CLASP1: variants seen among roughly 807,000 people sequenced by gnomAD.
CLASP1 encodes cytoplasmic linker associated protein 1.
A neutral mutation model predicts 192.3 loss-of-function variants in CLASP1; 38 were observed. The ratio of observed to expected loss-of-function variants is 0.20; its 90% CI spans 0.15 to 0.26. The LOEUF (loss-of-function observed/expected upper bound fraction) is 0.26, where lower values mean the gene tolerates loss of function less well. CLASP1 is among the 10% of genes least tolerant of loss of function. The pLI, the probability that CLASP1 is intolerant of heterozygous loss-of-function variation, is 1.00. For synonymous variants in CLASP1, 691 were observed against 712.8 expected (o/e 0.97, Z 0.49); for missense variants, 1,433 against 1,932.5 (o/e 0.74, Z 4.85).
chr2:121,639,862 TCA>T (rs2071687262), intron 1 of CLASP1, among the ~76,000 whole-genome samples: 1 of 75,464 alleles, frequency 1.3e-5, no homozygotes, highest in African/African-American at 5.9e-5. Context: ...AAACTCCATC[TCA>T]AAAAAAAAAA....
Position 121,381,267 on chromosome 2 carries a change from C to A in CLASP1, c.3491+941G>T, listed in dbSNP as rs183507504. On this transcript the variant is annotated intron_variant, in intron 33 of 39. Transcript: ENST00000263710. ...ACAAAAGTCAGAATGCAAATCTGCA[C>A]AAAAGCTATCTATGAAGTATTTCAA... Among the ~76,000 whole-genome samples, 625 of 151,922 alleles carry A rather than the reference C, an allele frequency of 4.1e-3. 1 individual carries two copies. Among genetic ancestry groups the A allele is most frequent in the Middle Eastern group, 6.8e-3 (2 of 292 alleles).
chr2:121,511,381 G>C (rs2094130881), intron 7 of CLASP1, among the ~76,000 whole-genome samples: 1 of 152,082 alleles, frequency 6.6e-6, no homozygotes, highest in African/African-American at 2.4e-5. Context: ...CTGAGGTCGG[G>C]GGTTCGAGAT....
chr2:121,558,516 C>T (rs2058780941), intron 2 of CLASP1, among the ~76,000 whole-genome samples: 1 of 152,132 alleles, frequency 6.6e-6, no homozygotes, highest in Non-Finnish European at 1.5e-5. Flanking sequence ...TGGGTTATCA[C>T]GGGAGTGGAA....
At chr2:121,544,760 CA>C (rs1263784484) in intron 2 of CLASP1, among the ~76,000 whole-genome samples, 3 of 151,634 alleles carry the variant, frequency 2.0e-5, no homozygotes, top group South Asian at 2.1e-4. Context: ...GAAAATAAAC[CA>C]AAAAAGTGAA....
At chr2:121,537,720 T>C (rs1414217569) in intron 2 of CLASP1, among the ~76,000 whole-genome samples, 2 of 152,236 alleles carry the variant, frequency 1.3e-5, no homozygotes, top group Non-Finnish European at 2.9e-5. Flanking sequence ...CTAAAAGAAC[T>C]TTTCAATACT....
In CLASP1 at chr2:121,445,542, C is replaced by G. The variant is rs547389923; in HGVS notation, c.1912+1795G>C. The G allele has an allele frequency of 9.9e-6, 11 of 1,113,772 alleles. No individual in the cohort carries two copies. In the African/African-American group the frequency reaches 1.3e-4, roughly 13 times the overall value. The allele number at this position is 1,113,772 out of a possible 1,614,324, so 69.0% of individuals were successfully genotyped here. On this transcript the variant is annotated intron_variant, in intron 19 of 39. Transcript: ENST00000263710. Reference sequence around the variant, plus strand: ...CATCAGCTTTAATGCTACACTTTTGCAAAGATGTCATGTGTCAACCTAGGT... The same window carrying G: ...CATCAGCTTTAATGCTACACTTTTGGAAAGATGTCATGTGTCAACCTAGGT...
chr2:121,471,723 T>C (rs534351060), intron 8 of CLASP1, among the ~76,000 whole-genome samples: 1 of 152,302 alleles, frequency 6.6e-6, no homozygotes, highest in East Asian at 1.9e-4. Flanking sequence ...CTTATGCAGA[T>C]TAGCTCCTTT....
chr2:121,388,460 A>C (rs2073742639), intron 30 of CLASP1, among the ~76,000 whole-genome samples: 1 of 152,178 alleles, frequency 6.6e-6, no homozygotes, highest in Admixed American at 6.5e-5. Flanking sequence ...CAGATTTCGA[A>C]GGAGTCTACG....
At chr2:121,407,171 G>A (rs146174211) in intron 25 of CLASP1, among the ~76,000 whole-genome samples, 84 of 151,198 alleles carry the variant, frequency 5.6e-4, no homozygotes, top group African/African-American at 1.9e-3. Context: ...AGCCAAGATC[G>A]TGCCACTGCA....
At position 121,471,576 on chromosome 2, in the gene CLASP1, T is replaced by C. The variant is rs565512954; in HGVS notation, c.713-1616A>G. Among the ~76,000 whole-genome samples, 6 of 152,102 alleles carry C rather than the reference T, an allele frequency of 3.9e-5. No individual in the cohort carries two copies. The East Asian group carries it at 1.2e-3, about 29-fold the overall frequency. The stretch of plus-strand genomic sequence containing the variant: ...TCTAGTTGCTTCTTAAGCTAAATTA[T>C]CAACAGCCAAGTCTTGTGTCTACTC... On this transcript the variant is annotated intron_variant, in intron 8 of 39. Coordinates refer to ENST00000263710, the Ensembl canonical transcript of CLASP1.
rs150782672 is a variant in CLASP1, at chr2:121,395,314, G to A, written c.3123+1826C>T. Among the ~76,000 whole-genome samples, 205 of 152,276 alleles carry A rather than the reference G, an allele frequency of 1.3e-3. 1 individual carries two copies. The highest frequency in any genetic ancestry group is 4.7e-3 in the African/African-American group (194 of 41,558). Reference sequence around the variant, plus strand: ...TGTTATACAATAGAAAACAAATAACGAAGTCAAAAGAAGGGAATTTTCAAA... The same window carrying A: ...TGTTATACAATAGAAAACAAATAACAAAGTCAAAAGAAGGGAATTTTCAAA... On this transcript the variant is annotated intron_variant, in intron 30 of 39. Coordinates refer to ENST00000263710, the Ensembl canonical transcript of CLASP1.
intron 1 of CLASP1, among the ~76,000 whole-genome samples, chr2:121,607,434 T>C (rs1392022833): frequency 6.6e-6 from 1 of 152,216 alleles, no homozygotes; most frequent in Non-Finnish European, 1.5e-5. Context: ...TGTTTTGATA[T>C]TAAAATTAGG....
chr2:121,640,394 AT>A (rs1372164270), intron 1 of CLASP1, among the ~76,000 whole-genome samples: 1 of 152,214 alleles, frequency 6.6e-6, no homozygotes, highest in Non-Finnish European at 1.5e-5. Context: ...TAAATGGACA[AT>A]TTTATGTTAT....
intron 2 of CLASP1, among the ~76,000 whole-genome samples, chr2:121,594,675 G>A (rs960869745): frequency 2.2e-4 from 34 of 152,258 alleles, no homozygotes; most frequent in Non-Finnish European, 2.9e-4. Flanking sequence ...ACAGGTGTGA[G>A]CCACTGCGCC....
intron 2 of CLASP1, among the ~76,000 whole-genome samples, chr2:121,537,909 T>C (rs939998583): frequency 6.6e-6 from 1 of 152,206 alleles, no homozygotes; most frequent in African/African-American, 2.4e-5. Flanking sequence ...ACTGCATTCA[T>C]GATTAAAAAT....
At chr2:121,400,133 A>T (rs1004805144) in intron 28 of CLASP1, among the ~76,000 whole-genome samples, 7 of 152,192 alleles carry the variant, frequency 4.6e-5, no homozygotes, top group Non-Finnish European at 1.0e-4. Context: ...TAACTCCACT[A>T]AGTTTAGCCA....
At chr2:121,439,579 T>C (rs1367909674) in intron 19 of CLASP1, among the ~76,000 whole-genome samples, 1 of 152,160 alleles carries the variant, frequency 6.6e-6, no homozygotes, top group East Asian at 1.9e-4. Context: ...CATTTCGTTA[T>C]GTACCCAGTA....
chr2:121,565,167 C>T (rs186735530), intron 2 of CLASP1, among the ~76,000 whole-genome samples: 119 of 152,222 alleles, frequency 7.8e-4, no homozygotes, highest in Middle Eastern at 3.4e-3. Context: ...ATTCAAAGGG[C>T]GTACTCTTAT....
At chr2:121,558,281 A>T (rs2058757426) in intron 2 of CLASP1, among the ~76,000 whole-genome samples, 1 of 152,108 alleles carries the variant, frequency 6.6e-6, no homozygotes, top group African/African-American at 2.4e-5. Context: ...AGAAACCACT[A>T]ATCTAAAATG....
Sources: allele counts gnomAD v4.1 joint callset (sites outside exome capture counted in the v4.1 genomes callset), GRCh38; gene constraint gnomAD v4.1.1; transcripts MANE v1.5; gene names NCBI Gene and HGNC (gene_info 2026-07-23, HGNC 2026-07-21).